Variants in MYH9 observed in about 807,000 individuals in gnomAD.
MYH9 encodes the protein myosin heavy chain 9, also known as myosin-9.
MYH9 carries 29 observed loss-of-function variants against 241.9 expected under a neutral mutation model. The ratio of observed to expected loss-of-function variants is 0.12; its 90% CI spans 0.09 to 0.16. The LOEUF is 0.16. MYH9 is among the 10% of genes least tolerant of loss of function. MYH9 has a pLI of 1.00. For missense variants in MYH9, 1,803 were observed against 2,595.5 expected (o/e 0.69, Z 6.63); for synonymous variants, 1,047 against 1,062.6 (o/e 0.99, Z 0.29).
intron 15 of MYH9, chr22:36,308,699 A>T: frequency 2.0e-6 from 1 of 489,848 alleles, no homozygotes; most frequent in Non-Finnish European, 2.5e-6. Context: ...GTAAGCAGGC[A>T]GGAAAAGCCA....
chr22:36,354,912 G>T (rs1187017979), intron 1 of MYH9, among the ~76,000 whole-genome samples: 3 of 147,324 alleles, frequency 2.0e-5, no homozygotes, highest in Non-Finnish European at 4.5e-5. Context: ...CAACCAACCA[G>T]CATCATCATC....
intron 3 of MYH9, among the ~76,000 whole-genome samples, chr22:36,339,426 A>C (rs2017548242): frequency 1.3e-5 from 2 of 152,200 alleles, no homozygotes; most frequent in Non-Finnish European, 2.9e-5. Flanking sequence ...ATGTTTTTCC[A>C]CCAGGCTGTT....
chr22:36,381,881 G>C (rs1374203072), intron 1 of MYH9, among the ~76,000 whole-genome samples: 1 of 152,168 alleles, frequency 6.6e-6, no homozygotes, highest in African/African-American at 2.4e-5. Flanking sequence ...AAGATTCTCA[G>C]ACATTTCCTT....
Position 36,286,808 on chromosome 22 carries a change from G to C in MYH9, c.4971C>G (p.Thr1657=), listed in dbSNP as rs876657523. 3 of 1,611,696 alleles carry C rather than the reference G, an allele frequency of 1.9e-6. No homozygotes were observed. The highest frequency in any genetic ancestry group is 1.7e-5 in the Admixed American group (1 of 60,022). Reference sequence around the variant, plus strand: ...CCAGGATCTCCTCACGAGAGGCGCGGGTGTCATCCAGCTCGCGCATGCAGT... The same window carrying C: ...CCAGGATCTCCTCACGAGAGGCGCGCGTGTCATCCAGCTCGCGCATGCAGT... ...MKDCMRELDD[T]RASREEILAQ... is the part of the protein sequence containing the mutation. Residue 1657 remains threonine, a synonymous_variant, in exon 35 of 41, where the codon ACC becomes ACG. Coordinates refer to ENST00000216181, the MANE Select transcript of MYH9 (RefSeq NM_002473.6).
At position 36,300,901 on chromosome 22, in the gene MYH9, GCTC is replaced by G. The variant is rs768361396; in HGVS notation, c.2785_2787del (p.Glu929del). The G allele has an allele frequency of 2.1e-5, 33 of 1,605,760 alleles. No homozygotes were observed. On this transcript the variant is annotated inframe_deletion, in exon 22 of 41. Coordinates refer to ENST00000216181, the MANE Select transcript of MYH9 (RefSeq NM_002473.6). The surrounding 1 kb of genome is among the most constrained non-coding windows in gnomAD (Gnocchi z 5.0). ...TTCTCCGCCTGCAGGTGCTGGCAGC[GCTC>G]CTCCTCCTCCTCCACCCTGGCCTCT...
Position 36,293,399 on chromosome 22 carries a change from C to T in MYH9, c.4025G>A (p.Arg1342Gln), listed in dbSNP as rs758159686. The change falls in exon 30 of 41, where the codon CGG becomes CAG. Residue 1342 changes from arginine to glutamine, a missense_variant. By Grantham distance (43) the Arg-to-Gln change is conservative. Coordinates refer to ENST00000216181, the MANE Select transcript of MYH9 (RefSeq NM_002473.6). The surrounding 1 kb of genome is among the most constrained non-coding windows in gnomAD (Gnocchi z 5.1). ...KQVEDEKNSF[R>Q]EQLEEEEEAK... ...CTCCTCCTCCTCCTCCAGCTGCTCC[C>T]GGAAGGAATTCTTCTCGTCCTCCAC... 51 of 1,613,878 alleles carry T rather than the reference C, an allele frequency of 3.2e-5. No individual in the cohort carries two copies. Among genetic ancestry groups the T allele is most frequent in the Admixed American group, 5.0e-5 (3 of 60,000 alleles).
chr22:36,370,730 C>T (rs975233518), intron 1 of MYH9, among the ~76,000 whole-genome samples: 8 of 152,154 alleles, frequency 5.3e-5, no homozygotes, highest in African/African-American at 1.9e-4. Flanking sequence ...GCAGGGCAGC[C>T]TGGGAGCTGG....
intron 1 of MYH9, among the ~76,000 whole-genome samples, chr22:36,386,594 G>C (rs1016105667): frequency 6.6e-6 from 1 of 152,192 alleles, no homozygotes; most frequent in Non-Finnish European, 1.5e-5. Flanking sequence ...AGTGAACCGA[G>C]AAGTGGCTGG....
intron 5 of MYH9, among the ~76,000 whole-genome samples, chr22:36,326,100 A>G (rs2146368835): frequency 6.6e-6 from 1 of 152,310 alleles, no homozygotes; most frequent in Non-Finnish European, 1.5e-5. Context: ...ATGACTTTCC[A>G]ATTGCCCTTT....
rs560237482 is a variant in MYH9 at position 36,306,551 on chromosome 22, C to T, written c.1900G>A (p.Gly634Arg). The T allele has an allele frequency of 3.1e-6, 5 of 1,613,814 alleles. No individual in the cohort carries two copies. Among genetic ancestry groups the T allele is most frequent in the Middle Eastern group, 1.6e-4 (1 of 6,082 alleles). The change falls in exon 16 of 41, where the codon GGG becomes AGG. Residue 634 changes from glycine (G) to arginine (R), a missense_variant. Around this residue, in one of 11 missense-constraint regions of MYH9, gnomAD observed 163 missense variants for 349.7 expected, o/e 0.47. Transcript: ENST00000216181. This position sits in a 1 kb window ranked among gnomAD's most constrained non-coding sequence, Gnocchi z 4.1. ...VAGMSETALP[G>R]AFKTRKGMFR... Reference sequence around the variant, plus strand: ...ATGCCCTTCCGCGTCTTGAAGGCCCCGGGCAGTGCGGTCTCCGACATGCCG... The same window carrying T: ...ATGCCCTTCCGCGTCTTGAAGGCCCTGGGCAGTGCGGTCTCCGACATGCCG...
intron 1 of MYH9, among the ~76,000 whole-genome samples, chr22:36,374,309 GGAGTTTTTGAGACCA>G (rs2018133396): frequency 6.6e-6 from 1 of 152,226 alleles, no homozygotes; most frequent in Admixed American, 6.5e-5. Context: ...CCTGAGGTCA[GGAGTTTTTGAGACCA>G]GCCTGGCCAA....
chr22:36,327,002 C>T (rs955308169), intron 4 of MYH9, among the ~76,000 whole-genome samples: 2 of 152,214 alleles, frequency 1.3e-5, no homozygotes, highest in African/African-American at 4.8e-5. Context: ...TGAAACGTCA[C>T]TTAAAGGAAT....
At chr22:36,301,418 T>C (rs751902443) in intron 21 of MYH9, 116 bp downstream of exon 21, 8 of 1,393,618 alleles carry the variant, frequency 5.7e-6, no homozygotes, top group Non-Finnish European at 8.0e-6. Flanking sequence ...GGAAACTCAG[T>C]TGTAGAAAAC....
chr22:36,305,067 C>T lies in MYH9; in HGVS notation c.2195G>A (p.Gly732Asp), dbSNP rs1196300709. Residue 732 changes from glycine (G) to aspartate (D), a missense_variant, in exon 18 of 41, where the codon GGT becomes GAT. Transcript: ENST00000216181. The surrounding 1 kb of genome is among the most constrained non-coding windows in gnomAD (Gnocchi z 4.7). ...GCACGCCTGCTTCCCGTCCATGAAA[C>T]CCTTGGGAATGGAGTTTGGAGTCAG... ...EILTPNSIPK[G>D]FMDGKQACVL... The T allele has an allele frequency of 1.9e-6, 3 of 1,614,114 alleles. No individual in the cohort carries two copies. Among genetic ancestry groups the T allele is most frequent in the Non-Finnish European group, 2.5e-6 (3 of 1,179,990 alleles).
Position 36,327,525 on chromosome 22 carries a change from A to C in MYH9, c.491-37T>G, listed in dbSNP as rs976870764. ...AAGACATCAGATTAACTCCCGCCAG[A>C]TGCAAAAGCCTCCCCACCTTGCTCC... On this transcript the variant is annotated intron_variant, in intron 3 of 40. Transcript: ENST00000216181. The C allele has an allele frequency of 1.9e-6, 3 of 1,613,438 alleles. No individual in the cohort carries two copies. The Admixed American group carries it at 5.0e-5, about 27-fold the overall frequency.
rs543614586 is a variant in MYH9 at position 36,302,988 on chromosome 22, C to T, written c.2391-312G>A. 3.9e-5 allele frequency among the ~76,000 whole-genome samples: 6 copies of T among 152,266 alleles called. No homozygotes were observed. The South Asian group carries it at 8.3e-4, about 21-fold the overall frequency. Reference sequence around the variant, plus strand: ...GATCCTACTCAGTGTGGGGACTGAGCGTGACCCTTGGTGATTAAGCTGACT... The same window carrying T: ...GATCCTACTCAGTGTGGGGACTGAGTGTGACCCTTGGTGATTAAGCTGACT... On this transcript the variant is annotated intron_variant, in intron 19 of 40. Transcript: ENST00000216181.
rs546111864 is a variant in MYH9 at position 36,310,164 on chromosome 22, G to A, written c.1729-768C>T. ...ACAGGGCTGTAATCTCAGCCCCTAG[G>A]GGGGCTGAGGCAGGAGGATCGCTTG... On this transcript the variant is annotated intron_variant, in intron 14 of 40. Transcript: ENST00000216181. Among the ~76,000 whole-genome samples, 3 of 150,092 alleles carry A rather than the reference G, an allele frequency of 2.0e-5. No homozygotes were observed. In the Admixed American group the frequency reaches 2.1e-4, roughly 11 times the overall value.
Position 36,285,639 on chromosome 22 carries a change from G to T in MYH9, c.5274+19C>A. On this transcript the variant is annotated intron_variant, in intron 37 of 40. Transcript: ENST00000216181. The surrounding 1 kb of genome is among the most constrained non-coding windows in gnomAD (Gnocchi z 7.0). Reference sequence around the variant, plus strand: ...TGGCTCCAGCCAGAGCCCAGAGTGGGAGAAGTCCTGGCACCCACCTGCAGG... The same window carrying T: ...TGGCTCCAGCCAGAGCCCAGAGTGGTAGAAGTCCTGGCACCCACCTGCAGG... The T allele has an allele frequency of 6.2e-7, 1 of 1,611,762 alleles. No homozygotes were observed.
At chr22:36,371,564 T>C (rs2018090431) in intron 1 of MYH9, among the ~76,000 whole-genome samples, 1 of 152,134 alleles carries the variant, frequency 6.6e-6, no homozygotes, top group East Asian at 1.9e-4. Context: ...AGAAAGGGTT[T>C]CACTCTTGTT....
Sources: gnomAD v4.1 joint callset for allele counts (sites outside exome capture counted in the v4.1 genomes callset) on GRCh38, gnomAD v4.1.1 for gene constraint, gnomAD v4.1.1 regional missense constraint, Gnocchi (gnomAD v3.1) non-coding constraint, MANE v1.5 for transcripts, NCBI Gene and HGNC (gene_info 2026-07-23, HGNC 2026-07-21) for gene names.